GNAO1: variants seen among roughly 807,000 people sequenced by gnomAD.
The protein encoded by GNAO1 is guanine nucleotide-binding protein G(o) subunit alpha.
For synonymous variants in GNAO1, 164 were observed against 180.7 expected, an observed-to-expected ratio of 0.91 and a Z score of 0.74; for missense variants, 166 against 478.7, an observed-to-expected ratio of 0.35 and a Z score of 6.10.
At chr16:56,221,832 C>T (rs1335762797) in intron 2 of GNAO1, among the ~76,000 whole-genome samples, 2 of 151,998 alleles carry the variant, frequency 1.3e-5, no homozygotes, top group African/African-American at 2.4e-5. Context: ...CAAAGTTGTA[C>T]ACATGTCAAT....
intron 3 of GNAO1, among the ~76,000 whole-genome samples, chr16:56,323,668 A>T (rs1400418702): frequency 6.6e-6 from 1 of 152,188 alleles, no homozygotes; most frequent in Non-Finnish European, 1.5e-5. Context: ...CAAAAAAAAA[A>T]AAAAAATCCA....
At chr16:56,224,000 G>C (rs1483882605) in intron 2 of GNAO1, among the ~76,000 whole-genome samples, 1 of 152,206 alleles carries the variant, frequency 6.6e-6, no homozygotes, top group African/African-American at 2.4e-5. Flanking sequence ...TCTCAGAAGA[G>C]GTCAAGTTCA....
intron 3 of GNAO1, among the ~76,000 whole-genome samples, chr16:56,285,520 C>A (rs1199729299): frequency 1.3e-5 from 2 of 152,146 alleles, no homozygotes; most frequent in African/African-American, 4.8e-5. Context: ...GGTGGCAAAC[C>A]AGCTGCCAAG....
intron 2 of GNAO1, among the ~76,000 whole-genome samples, chr16:56,223,550 G>A (rs2036509672): frequency 6.6e-6 from 1 of 152,150 alleles, no homozygotes; most frequent in South Asian, 2.1e-4. Flanking sequence ...AAAGTTCCAG[G>A]GATTAGGATG....
intron 6 of GNAO1, chr16:56,344,001 C>T (rs755501150): frequency 1.9e-6 from 3 of 1,597,740 alleles, no homozygotes; most frequent in East Asian, 2.2e-5. Context: ...GCCGCCCCCC[C>T]TCCCCTGGAA....
chr16:56,305,857 TGA>T (rs1323586279), intron 3 of GNAO1, among the ~76,000 whole-genome samples: 16 of 152,342 alleles, frequency 1.1e-4, no homozygotes, highest in African/African-American at 3.8e-4. Context: ...TCCCTCCGTG[TGA>T]GTCTGTGTCT....
intron 2 of GNAO1, among the ~76,000 whole-genome samples, chr16:56,221,555 C>A (rs1410624787): frequency 4.0e-5 from 6 of 149,208 alleles, no homozygotes; most frequent in African/African-American, 1.5e-4. Flanking sequence ...GAGGCTGAGG[C>A]AGGAGAATCG....
intron 2 of GNAO1, among the ~76,000 whole-genome samples, chr16:56,262,288 G>A (rs545382059): frequency 6.6e-6 from 1 of 152,336 alleles, no homozygotes; most frequent in African/African-American, 2.4e-5. Context: ...GAGGAACCCA[G>A]ATAGGAGCCC....
At chr16:56,348,300 T>C in intron 6 of GNAO1, 1 of 452,186 alleles carries the variant, frequency 2.2e-6, no homozygotes, top group Non-Finnish European at 2.9e-6. Context: ...CCAGGACTGC[T>C]GGCAGCCTGG....
At chr16:56,289,328 G>T (rs2037207303) in intron 3 of GNAO1, among the ~76,000 whole-genome samples, 1 of 152,200 alleles carries the variant, frequency 6.6e-6, no homozygotes, top group African/African-American at 2.4e-5. Flanking sequence ...CAATGAGAGT[G>T]GTTCAGGGTT....
intron 2 of GNAO1, among the ~76,000 whole-genome samples, chr16:56,196,434 T>C (rs1475574591): frequency 1.3e-5 from 2 of 152,248 alleles, no homozygotes; most frequent in Non-Finnish European, 2.9e-5. Context: ...CAATTTTATT[T>C]AATTGCCAAA....
rs760379949 is a variant in GNAO1 at position 56,207,495 on chromosome 16, TCTA to T, written c.161+14880_161+14882del. Among the ~76,000 whole-genome samples the T allele has an allele frequency of 9.8e-4, 150 of 152,350 alleles. 1 individual carries two copies. Among genetic ancestry groups the T allele is most frequent in the South Asian group, 1.9e-3 (9 of 4,834 alleles). Reference sequence around the variant, plus strand: ...AGAACTAGAGCCTAGTTTTTCTGATTCTAGGTGTGTTTCTCTTTCCATCACACC... The same window carrying T: ...AGAACTAGAGCCTAGTTTTTCTGATTGGTGTGTTTCTCTTTCCATCACACC... On this transcript the variant is annotated intron_variant, in intron 2 of 8. Transcript: ENST00000262493.
At chr16:56,335,913 C>A (rs1262932390) in intron 5 of GNAO1, among the ~76,000 whole-genome samples, 1 of 152,224 alleles carries the variant, frequency 6.6e-6, no homozygotes, top group Non-Finnish European at 1.5e-5. Flanking sequence ...TTGCTCTGAG[C>A]CCACACTAAT....
chr16:56,271,550 T>G (rs1394648554), intron 2 of GNAO1, among the ~76,000 whole-genome samples: 1 of 152,186 alleles, frequency 6.6e-6, no homozygotes, highest in Non-Finnish European at 1.5e-5. Context: ...TCCTCCTGGG[T>G]TGCAGTGATT....
Position 56,316,509 on chromosome 16 carries a change from C to T in GNAO1, c.304-12122C>T, listed in dbSNP as rs79786288. ...TGCTGTCCTCAGGCCCTGCTGATGG[C>T]TGCCAGAGCATCTGGTGCCTCCAGG... On this transcript the variant is annotated intron_variant, in intron 3 of 8. Transcript: ENST00000262493. 4.1e-3 allele frequency among the ~76,000 whole-genome samples: 625 copies of T among 152,334 alleles called. 3 individuals carry two copies. Among genetic ancestry groups the T allele is most frequent in the East Asian group, 0.028 (146 of 5,180 alleles).
chr16:56,265,258 A>G (rs1343029873), intron 2 of GNAO1, among the ~76,000 whole-genome samples: 1 of 152,244 alleles, frequency 6.6e-6, no homozygotes, highest in African/African-American at 2.4e-5. Context: ...CCAGGGTCAC[A>G]TGGAGCCACA....
At chr16:56,250,830 A>G (rs2036792754) in intron 2 of GNAO1, among the ~76,000 whole-genome samples, 2 of 152,170 alleles carry the variant, frequency 1.3e-5, no homozygotes, top group African/African-American at 4.8e-5. Flanking sequence ...AAGAGTCTTA[A>G]TGCTTCTCAC....
intron 3 of GNAO1, among the ~76,000 whole-genome samples, chr16:56,324,418 A>C (rs957665588): frequency 7.9e-5 from 12 of 152,224 alleles, no homozygotes; most frequent in African/African-American, 2.9e-4. Context: ...GAAACCATGA[A>C]GGTAGGGCCC....
rs2143707479 is a variant in GNAO1, at chr16:56,356,280, A to G, written c.*206A>G. ...AATCCGGTTTTAGTTGAGTCTTCAC[A>G]TTTAGAATTTGAAAGGAAAAACAGA... On this transcript the variant is annotated 3_prime_UTR_variant, in exon 9 of 9. Transcript: ENST00000262493. 1 of 152,788 alleles carries G rather than the reference A, an allele frequency of 6.5e-6. No homozygotes were observed. Among genetic ancestry groups the G allele is most frequent in the East Asian group, 1.9e-4 (1 of 5,188 alleles). 9.5% of individuals were successfully genotyped at this position (152,788 alleles called of 1,614,324 possible). A position where few individuals can be genotyped will look rare whatever the true frequency, so the allele number is the denominator to read the frequency against.
Sources: allele counts gnomAD v4.1 joint callset (sites outside exome capture counted in the v4.1 genomes callset), GRCh38; gene constraint gnomAD v4.1.1; transcripts MANE v1.5; gene names NCBI Gene and HGNC (gene_info 2026-07-23, HGNC 2026-07-21).